Variants in SEPTIN9 observed in about 807,000 individuals in gnomAD.
SEPTIN9 encodes septin-9.
Under a neutral mutation model 56.6 loss-of-function variants are expected in SEPTIN9, and 13 were observed. The ratio of observed to expected loss-of-function variants is 0.23; its 90% CI spans 0.15 to 0.37. The LOEUF (loss-of-function observed/expected upper bound fraction) is 0.37, where lower values mean the gene tolerates loss of function less well. Ranked by LOEUF, SEPTIN9 falls within the 10% of genes least tolerant of loss-of-function variation. SEPTIN9 has a pLI of 1.00. For synonymous variants in SEPTIN9, 332 were observed against 334.1 expected (o/e 0.99, Z 0.07); for missense variants, 650 against 823.1 (o/e 0.79, Z 2.57).
intron 7 of SEPTIN9, 123 bp downstream of exon 7, chr17:77,488,987 GGCC>G (rs745547694): frequency 1.9e-5 from 24 of 1,273,080 alleles, no homozygotes; most frequent in Non-Finnish European, 2.6e-5. Context: ...CAGGGGCCAT[GGCC>G]GCCAGCTATG....
intron 2 of SEPTIN9, among the ~76,000 whole-genome samples, chr17:77,372,230 A>G (rs999424443): frequency 6.6e-6 from 1 of 152,032 alleles, no homozygotes; most frequent in Non-Finnish European, 1.5e-5. Context: ...AGCATGCAGG[A>G]GTGGGTTTCT....
At chr17:77,423,452 G>T (rs373899677) in intron 3 of SEPTIN9, among the ~76,000 whole-genome samples, 7 of 152,212 alleles carry the variant, frequency 4.6e-5, no homozygotes, top group Non-Finnish European at 8.8e-5. Flanking sequence ...CCCAGATGGC[G>T]GCCTGGAGGC....
intron 2 of SEPTIN9, among the ~76,000 whole-genome samples, chr17:77,328,205 T>A (rs778788571): frequency 1.3e-5 from 2 of 152,290 alleles, no homozygotes; most frequent in Non-Finnish European, 2.9e-5. Flanking sequence ...GCCCAGGGTG[T>A]CCCCATGCCC....
chr17:77,429,885 G>A lies in SEPTIN9; in HGVS notation c.721+27182G>A, dbSNP rs1170622273. 6.6e-6 allele frequency among the ~76,000 whole-genome samples: 1 copy of A among 152,174 alleles called. No individual in the cohort carries two copies. The highest frequency in any genetic ancestry group is 1.5e-5 in the Non-Finnish European group (1 of 68,010). ...CCTCTCTTTCTCCTGCTACAGAACT[G>A]GATCCTCCCAGCTCATGGCTGTCAA... is the stretch of plus-strand genomic sequence containing the variant. On this transcript the variant is annotated intron_variant, in intron 3 of 11. Coordinates refer to ENST00000427177, the MANE Select transcript of SEPTIN9 (RefSeq NM_001113491.2). The surrounding 1 kb of genome is among the most constrained non-coding windows in gnomAD (Gnocchi z 5.2).
intron 2 of SEPTIN9, among the ~76,000 whole-genome samples, chr17:77,385,516 G>A (rs978184929): frequency 8.6e-5 from 13 of 152,018 alleles, no homozygotes; most frequent in Non-Finnish European, 1.8e-4. Flanking sequence ...ACTGCGCCCG[G>A]CCATGGGAGA....
At chr17:77,285,854 G>A (rs892035257) in intron 1 of SEPTIN9, among the ~76,000 whole-genome samples, 3 of 152,216 alleles carry the variant, frequency 2.0e-5, no homozygotes, top group Admixed American at 1.3e-4. Flanking sequence ...GTGCTGGCTC[G>A]CCGTGGTGGA....
chr17:77,386,903 G>A (rs1013594296), intron 2 of SEPTIN9, among the ~76,000 whole-genome samples: 1 of 152,248 alleles, frequency 6.6e-6, no homozygotes, highest in Non-Finnish European at 1.5e-5. Flanking sequence ...TCAGTGCAGG[G>A]CAGATGAGCA....
chr17:77,314,861 C>T lies in SEPTIN9; in HGVS notation c.76+7664C>T, dbSNP rs1329664938. Among the ~76,000 whole-genome samples, 4 of 152,228 alleles carry T rather than the reference C, an allele frequency of 2.6e-5. No individual in the cohort carries two copies. The East Asian group carries it at 5.8e-4, about 22-fold the overall frequency. ...CTGGGGAATGCCTGGTATGTGTCCC[C>T]TCCCCACTGGGTACCAGGGGATGAA... On this transcript the variant is annotated intron_variant, in intron 2 of 11. Transcript: ENST00000427177.
intron 1 of SEPTIN9, among the ~76,000 whole-genome samples, chr17:77,297,536 C>T (rs1052400118): frequency 6.6e-6 from 1 of 152,222 alleles, no homozygotes; most frequent in African/African-American, 2.4e-5. Flanking sequence ...ACCACACAGG[C>T]TCAGAAGAAT....
Position 77,487,506 on chromosome 17 carries a change from A to G in SEPTIN9, c.996A>G (p.Ser332=). ...GCCGGAAGTCGGTGCAGCCCACCTCAGAGGAGCGCATCCCCAAGACCATCG... is the reference window on the plus strand; with the variant it reads ...GCCGGAAGTCGGTGCAGCCCACCTCGGAGGAGCGCATCCCCAAGACCATCG... The part of the protein sequence containing the change: ...KISRKSVQPT[S]EERIPKTIEI... Residue 332 remains serine, a synonymous_variant, in exon 5 of 12, where the codon TCA becomes TCG. Transcript: ENST00000427177. This position sits in a 1 kb window ranked among gnomAD's most constrained non-coding sequence, Gnocchi z 4.3. The G allele has an allele frequency of 6.2e-7, 1 of 1,613,492 alleles. No homozygotes were observed. Among genetic ancestry groups the G allele is most frequent in the Non-Finnish European group, 8.5e-7 (1 of 1,179,800 alleles).
chr17:77,382,861 G>A (rs1309929190), intron 2 of SEPTIN9, among the ~76,000 whole-genome samples: 1 of 152,090 alleles, frequency 6.6e-6, no homozygotes, highest in Non-Finnish European at 1.5e-5. Flanking sequence ...CAAAGGCGGG[G>A]TCCCTCCCTA....
At chr17:77,477,144 T>G (rs1286181109) in intron 3 of SEPTIN9, among the ~76,000 whole-genome samples, 2 of 146,412 alleles carry the variant, frequency 1.4e-5, no homozygotes, top group Non-Finnish European at 3.0e-5. Flanking sequence ...CTTCTTTCCC[T>G]TCCTCTCCCG....
In SEPTIN9 at chr17:77,329,147, C is replaced by T. The variant is rs1410949777; in HGVS notation, c.76+21950C>T. On this transcript the variant is annotated intron_variant, in intron 2 of 11. Coordinates refer to ENST00000427177, the MANE Select transcript of SEPTIN9 (RefSeq NM_001113491.2). This position sits in a 1 kb window ranked among gnomAD's most constrained non-coding sequence, Gnocchi z 4.3. ...CCTGGTGAGGGCTTGATTTTATTCT[C>T]ACTATGGTGGGACCTCAGTGCCCTG... Among the ~76,000 whole-genome samples the T allele has an allele frequency of 1.3e-5, 2 of 152,218 alleles. No homozygotes were observed. The highest frequency in any genetic ancestry group is 2.9e-5 in the Non-Finnish European group (2 of 68,038).
At chr17:77,409,014 G>A (rs1055971729) in intron 3 of SEPTIN9, among the ~76,000 whole-genome samples, 1 of 152,104 alleles carries the variant, frequency 6.6e-6, no homozygotes, top group South Asian at 2.1e-4. Flanking sequence ...GAGCCTGCAG[G>A]ATTTTTCTGT....
At chr17:77,493,818 G>T (rs1291149016) in intron 10 of SEPTIN9, among the ~76,000 whole-genome samples, 1 of 145,880 alleles carries the variant, frequency 6.9e-6, no homozygotes, top group Non-Finnish European at 1.5e-5. Flanking sequence ...TGTCACCCAG[G>T]CTGGAGTGCA....
intron 2 of SEPTIN9, among the ~76,000 whole-genome samples, chr17:77,398,027 G>A (rs967574551): frequency 1.5e-4 from 23 of 149,012 alleles, no homozygotes; most frequent in East Asian, 6.1e-4. Flanking sequence ...AGGCTGGAGT[G>A]TAGTGGTGTG....
intron 1 of SEPTIN9, among the ~76,000 whole-genome samples, chr17:77,304,333 G>A (rs910260624): frequency 6.6e-6 from 1 of 152,198 alleles, no homozygotes; most frequent in African/African-American, 2.4e-5. Context: ...CCCATTTTAG[G>A]AAATCAGAAA....
At chr17:77,491,833 A>G (rs1159462613) in intron 8 of SEPTIN9, among the ~76,000 whole-genome samples, 1 of 140,860 alleles carries the variant, frequency 7.1e-6, no homozygotes, top group Non-Finnish European at 1.5e-5. Context: ...AAAAAGTTTC[A>G]GGAGGGATGG....
rs896371185 is a variant in SEPTIN9 at position 77,499,969 on chromosome 17, C to T, written c.*1311C>T. 1.2e-5 allele frequency: 3 copies of T among 240,430 alleles called. No homozygotes were observed. The highest frequency in any genetic ancestry group is 2.5e-5 in the Non-Finnish European group (3 of 122,404). The allele number at this position is 240,430 out of a possible 1,614,324, so 14.9% of individuals were successfully genotyped here. On this transcript the variant is annotated 3_prime_UTR_variant, in exon 12 of 12. Coordinates refer to ENST00000427177, the MANE Select transcript of SEPTIN9 (RefSeq NM_001113491.2). The stretch of plus-strand genomic sequence containing the variant: ...CGGCCCGGCCCCTCACCCTCTGTCC[C>T]CACGAGGGGACCCATGGGGGCTGTC...
Sources: gnomAD v4.1 joint callset for allele counts (sites outside exome capture counted in the v4.1 genomes callset) on GRCh38, gnomAD v4.1.1 for gene constraint, Gnocchi (gnomAD v3.1) non-coding constraint, MANE v1.5 for transcripts, NCBI Gene and HGNC (gene_info 2026-07-23, HGNC 2026-07-21) for gene names.